TTPA: variants seen among roughly 807,000 people sequenced by gnomAD.
TTPA encodes the protein alpha tocopherol transfer protein, also known as alpha-tocopherol transfer protein.
Under a neutral mutation model 25.9 loss-of-function variants are expected in TTPA, and 23 were observed. The observed-to-expected ratio is 0.89, with a 90% CI of 0.64 to 1.26. TTPA has a LOEUF of 1.26. Ranked by LOEUF, TTPA falls within the 50% of genes most tolerant of loss-of-function variation. The probability of loss-of-function intolerance (pLI) is 0.00; values close to 1 mark genes in which losing one functional copy is unlikely to be tolerated. For synonymous variants in TTPA, 148 were observed against 137.3 expected, an observed-to-expected ratio of 1.08 and a Z score of -0.54; for missense variants, 337 against 353.1, an observed-to-expected ratio of 0.95 and a Z score of 0.37.
Position 63,085,919 on chromosome 8 carries a change from C to T in TTPA, c.103G>A (p.Ala35Thr), listed in dbSNP as rs1805744997. The T allele has an allele frequency of 2.0e-6, 3 of 1,523,712 alleles. No homozygotes were observed. The highest frequency in any genetic ancestry group is 2.6e-6 in the Non-Finnish European group (3 of 1,141,550). The allele number at this position is 1,523,712 out of a possible 1,614,324, so 94.4% of individuals were successfully genotyped here. The change falls in exon 1 of 5, where the codon GCC becomes ACC. Residue 35 changes from alanine to threonine, a missense_variant. Coordinates refer to ENST00000260116, the MANE Select transcript of TTPA (RefSeq NM_000370.3). Reference sequence around the variant, plus strand: ...GCGAGCGGGACGCCAGCTTCCCGGGCCCGGCGCCGCAGCGCCGCCAGGCCC... The same window carrying T: ...GCGAGCGGGACGCCAGCTTCCCGGGTCCGGCGCCGCAGCGCCGCCAGGCCC... ...QPGLAALRRRAREAGVPLAPL... is the reference protein window; with the variant it reads ...QPGLAALRRRTREAGVPLAPL...
chr8:63,068,894 C>T (rs541560091), intron 2 of TTPA, among the ~76,000 whole-genome samples: 30 of 152,266 alleles, frequency 2.0e-4, no homozygotes, highest in African/African-American at 7.0e-4. Flanking sequence ...GTGGCTCACA[C>T]CTGTGATCCC....
At chr8:63,062,092 G>A (rs1805315701) in intron 4 of TTPA, among the ~76,000 whole-genome samples, 1 of 152,048 alleles carries the variant, frequency 6.6e-6, no homozygotes, top group South Asian at 2.1e-4. Flanking sequence ...ATACTTGGTG[G>A]GCTGAGGCAG....
At chr8:63,074,612 A>C (rs1563363798) in intron 1 of TTPA, among the ~76,000 whole-genome samples, 1 of 152,168 alleles carries the variant, frequency 6.6e-6, no homozygotes, top group African/African-American at 2.4e-5. Context: ...TCTACTCTAC[A>C]CGGTGCATTT....
In TTPA at chr8:63,072,983, G is replaced by C; in HGVS notation, c.310C>G (p.Leu104Val). 2 of 1,614,070 alleles carry C rather than the reference G, an allele frequency of 1.2e-6. No homozygotes were observed. The highest frequency in any genetic ancestry group is 2.7e-5 in the African/African-American group (2 of 75,026). ...GLLKAGYHGV[L>V]RSRDPTGSKV... ...CTGCCAGTGGGATCCCTGGATCTCA[G>C]GACTCCATGGTAGCCAGCCTTTAGG... is the stretch of plus-strand genomic sequence containing the variant. The change falls in exon 2 of 5, where the codon CTG (leucine) becomes GTG (valine). Residue 104 changes from leucine to valine, a missense_variant. Coordinates refer to ENST00000260116, the MANE Select transcript of TTPA (RefSeq NM_000370.3).
chr8:63,058,709 C>G (rs1050272158), downstream of TTPA, among the ~76,000 whole-genome samples: 1 of 101,734 alleles, frequency 9.8e-6, no homozygotes, highest in African/African-American at 5.9e-5. Context: ...ACTATGGAAC[C>G]TATCACCAAA....
At position 63,085,991 on chromosome 8, in the gene TTPA, C is replaced by A; in HGVS notation, c.31G>T (p.Gly11Trp). 1 of 1,497,216 alleles carries A rather than the reference C, an allele frequency of 6.7e-7. No homozygotes were observed. The highest frequency in any genetic ancestry group is 1.3e-5 in the South Asian group (1 of 79,628). The allele number at this position is 1,497,216 out of a possible 1,614,324, so 92.7% of individuals were successfully genotyped here. A position where few individuals can be genotyped will look rare whatever the true frequency, so the allele number is the denominator to read the frequency against. MAEARSQPSA[G>W]PQLNALPDHS... ...TCCGGTAGCGCGTTGAGCTGCGGCC[C>A]CGCCGAGGGCTGGGATCGCGCCTCT... The change falls in exon 1 of 5, where the codon GGG (glycine) becomes TGG (tryptophan). Residue 11 changes from glycine to tryptophan, a missense_variant. Gly to Trp is a radical substitution (Grantham distance 184, BLOSUM62 -2). Transcript: ENST00000260116.
chr8:63,069,574 A>G (rs191750202), intron 2 of TTPA, among the ~76,000 whole-genome samples: 56 of 152,166 alleles, frequency 3.7e-4, no homozygotes, highest in African/African-American at 1.3e-3. Flanking sequence ...AAAAATAAAA[A>G]TAATAAAAAA....
chr8:63,073,849 A>G (rs1805519081), intron 1 of TTPA, among the ~76,000 whole-genome samples: 1 of 152,210 alleles, frequency 6.6e-6, no homozygotes, highest in South Asian at 2.1e-4. Context: ...GTATACTTGG[A>G]TACTGGATCT....
chr8:63,078,540 C>T (rs756098273), intron 1 of TTPA, among the ~76,000 whole-genome samples: 6 of 152,012 alleles, frequency 3.9e-5, no homozygotes, highest in African/African-American at 7.2e-5. Context: ...TTGTGATGCA[C>T]GCACAAGCTT....
intron 1 of TTPA, among the ~76,000 whole-genome samples, chr8:63,079,386 G>A (rs1353421962): frequency 6.6e-6 from 1 of 152,032 alleles, no homozygotes; most frequent in Non-Finnish European, 1.5e-5. Flanking sequence ...ATACAGAGTG[G>A]CAAATTGAAT....
At chr8:63,072,488 C>A (rs993514693) in intron 2 of TTPA, among the ~76,000 whole-genome samples, 2 of 152,192 alleles carry the variant, frequency 1.3e-5, no homozygotes, top group Admixed American at 6.5e-5. Flanking sequence ...GTCTCGAACT[C>A]CTGACCTCAG....
chr8:63,062,069 A>G, intron 4 of TTPA, among the ~76,000 whole-genome samples: 1 of 151,950 alleles, frequency 6.6e-6, no homozygotes, highest in Non-Finnish European at 1.5e-5. Context: ...GTGGTGCAGG[A>G]CTGTAGTCCC....
intron 2 of TTPA, among the ~76,000 whole-genome samples, chr8:63,071,926 A>T (rs1416273140): frequency 6.6e-6 from 1 of 152,160 alleles, no homozygotes; most frequent in Non-Finnish European, 1.5e-5. Flanking sequence ...TGGCCTGAAT[A>T]CACTAAGACA....
At chr8:63,069,701 C>CTCTA (rs1805452227) in intron 2 of TTPA, among the ~76,000 whole-genome samples, 1 of 150,548 alleles carries the variant, frequency 6.6e-6, no homozygotes. Flanking sequence ...TGCCACTGCA[C>CTCTA]TCTAGCCCAG....
At position 63,060,767 on chromosome 8, in the gene TTPA, A is replaced by G. The variant is rs1805293221; in HGVS notation, c.*485T>C. 6.3e-6 allele frequency: 1 copy of G among 159,774 alleles called. No individual in the cohort carries two copies. The highest frequency in any genetic ancestry group is 1.4e-5 in the Non-Finnish European group (1 of 72,584). 9.9% of individuals were successfully genotyped at this position (159,774 alleles called of 1,614,324 possible). A position where few individuals can be genotyped will look rare whatever the true frequency, so the allele number is the denominator to read the frequency against. ...GCTGGTCCACAGGAATAACCATAAA[A>G]CTCTATTCAGATTTTAATTATAATG... is the stretch of plus-strand genomic sequence containing the variant. On this transcript the variant is annotated 3_prime_UTR_variant, in exon 5 of 5. Coordinates refer to ENST00000260116, the MANE Select transcript of TTPA (RefSeq NM_000370.3).
At chr8:63,084,225 TACTC>T (rs1805711339) in intron 1 of TTPA, among the ~76,000 whole-genome samples, 1 of 152,170 alleles carries the variant, frequency 6.6e-6, no homozygotes, top group African/African-American at 2.4e-5. Flanking sequence ...TTTGTTATAT[TACTC>T]AACACTGAAA....
intron 2 of TTPA, among the ~76,000 whole-genome samples, chr8:63,066,568 T>A (rs1044630942): frequency 6.6e-6 from 1 of 152,160 alleles, no homozygotes; most frequent in Admixed American, 6.5e-5. Flanking sequence ...AGCAGAGTCA[T>A]GTCCCTGTAG....
intron 3 of TTPA, among the ~76,000 whole-genome samples, chr8:63,065,105 A>T (rs1805368693): frequency 6.6e-6 from 1 of 152,202 alleles, no homozygotes; most frequent in Non-Finnish European, 1.5e-5. Flanking sequence ...TTTTTAAGTA[A>T]CCATGTTTCT....
chr8:63,058,966 A>T (rs1353991654), downstream of TTPA, among the ~76,000 whole-genome samples: 5 of 147,052 alleles, frequency 3.4e-5, no homozygotes, highest in South Asian at 2.2e-4. Flanking sequence ...TTTAAATAGT[A>T]TGCTTTTATT....
Sources: gnomAD v4.1 joint callset for allele counts (sites outside exome capture counted in the v4.1 genomes callset) on GRCh38, gnomAD v4.1.1 for gene constraint, MANE v1.5 for transcripts, NCBI Gene and HGNC (gene_info 2026-07-23, HGNC 2026-07-21) for gene names.